PTGER3: variants seen among roughly 807,000 people sequenced by gnomAD.
PTGER3 encodes prostaglandin E2 receptor EP3 subtype.
Under a neutral mutation model 34.7 loss-of-function variants are expected in PTGER3, and 22 were observed. The ratio of observed to expected loss-of-function variants is 0.63; its 90% confidence interval spans 0.45 to 0.91. The LOEUF (loss-of-function observed/expected upper bound fraction) is 0.91, where lower values mean the gene tolerates loss of function less well. PTGER3 is among the 40% of genes least tolerant of loss of function. The pLI is 0.00. For synonymous variants in PTGER3, 241 were observed against 230.1 expected, an observed-to-expected ratio of 1.05 and a Z score of -0.43; for missense variants, 468 against 519.4, an observed-to-expected ratio of 0.90 and a Z score of 0.96.
chr1:70,866,556 T>C (rs1263762241), intron 4 of PTGER3, among the ~76,000 whole-genome samples: 5 of 152,204 alleles, frequency 3.3e-5, no homozygotes, highest in Non-Finnish European at 5.9e-5. Context: ...GTGTCTTACA[T>C]CAGGATGACC....
intron 1 of PTGER3, among the ~76,000 whole-genome samples, chr1:71,044,572 A>T (rs1435609950): frequency 6.6e-6 from 1 of 152,180 alleles, no homozygotes; most frequent in African/African-American, 2.4e-5. Flanking sequence ...ATGAAAATAA[A>T]TTGAAATTAA....
chr1:70,965,367 C>A (rs1320952607), intron 2 of PTGER3, among the ~76,000 whole-genome samples: 1 of 152,072 alleles, frequency 6.6e-6, no homozygotes, highest in African/African-American at 2.4e-5. Flanking sequence ...AAGAAAGACA[C>A]CTGTTACTGA....
chr1:70,985,338 G>A (rs1053498426), intron 2 of PTGER3, among the ~76,000 whole-genome samples: 1 of 152,254 alleles, frequency 6.6e-6, no homozygotes, highest in East Asian at 1.9e-4. Flanking sequence ...AAGTCTCCCT[G>A]GGGCTTATGG....
chr1:71,012,326 G>C lies in PTGER3; in HGVS notation c.1056C>G (p.Ile352Met). ...DPWVYLLLRK[I>M]LLRKFCQIRY... Reference sequence around the variant, plus strand: ...CTACCTGGCAAAACTTTCGAAGAAGGATCTTTCTTAACAGCAGGTAAACCC... The same window carrying C: ...CTACCTGGCAAAACTTTCGAAGAAGCATCTTTCTTAACAGCAGGTAAACCC... Residue 352 changes from isoleucine to methionine, a missense_variant, in exon 2 of 4, where the codon ATC becomes ATG. Physicochemically the swap from Ile to Met is conservative, Grantham distance 10. This residue lies in a region of PTGER3 where 57 missense variants were observed against 43.8 expected (regional missense o/e 1.30). Coordinates refer to ENST00000306666, the MANE Select transcript of PTGER3 (RefSeq NM_198719.2). The C allele has an allele frequency of 1.2e-6, 2 of 1,614,158 alleles. No individual in the cohort carries two copies. Among genetic ancestry groups the C allele is most frequent in the Non-Finnish European group, 1.7e-6 (2 of 1,180,036 alleles).
At chr1:71,012,121 T>C (rs766510433) in intron 2 of PTGER3, 184 bp downstream of exon 2, 47 of 1,514,148 alleles carry the variant, frequency 3.1e-5, no homozygotes, top group Admixed American at 1.5e-4. Flanking sequence ...CTTCAATGCA[T>C]AAACAGTGGC....
intron 4 of PTGER3, among the ~76,000 whole-genome samples, chr1:70,885,593 C>T (rs1646481567): frequency 6.6e-6 from 1 of 151,956 alleles, no homozygotes; most frequent in African/African-American, 2.4e-5. Flanking sequence ...CTTCATGGAA[C>T]AAGAAGTATT....
At chr1:70,879,631 C>T (rs1233985704) in intron 4 of PTGER3, among the ~76,000 whole-genome samples, 1 of 152,080 alleles carries the variant, frequency 6.6e-6, no homozygotes, top group Admixed American at 6.5e-5. Context: ...TTTCTGTTTT[C>T]CATTTGCTTG....
rs573051561 is a variant in PTGER3 at position 70,867,661 on chromosome 1, G to A, written c.*24-14802C>T. On this transcript the variant is annotated intron_variant, in intron 4 of 4. Transcript: ENST00000370931. Reference sequence around the variant, plus strand: ...AATTGCTTGAACCTGGGAGGCAGAGGTTGCAGTGAGCCAAGATGGTGCCAT... The same window carrying A: ...AATTGCTTGAACCTGGGAGGCAGAGATTGCAGTGAGCCAAGATGGTGCCAT... Among the ~76,000 whole-genome samples the A allele has an allele frequency of 2.0e-4, 30 of 152,170 alleles. 1 individual carries two copies. The South Asian group carries it at 5.8e-3, about 29-fold the overall frequency.
At position 70,867,173 on chromosome 1, in the gene PTGER3, T is replaced by A. The variant is rs2100517957; in HGVS notation, c.*24-14314A>T. ...GTTTCCTCTTCTGCAAATTCCCTTC[T>A]CCACCTCTAAGAGTTCTAACTTGTC... On this transcript the variant is annotated intron_variant, in intron 4 of 4. Coordinates refer to the PTGER3 transcript ENST00000370931. Among the ~76,000 whole-genome samples the A allele has an allele frequency of 1.3e-5, 2 of 152,342 alleles. 1 individual carries two copies. The highest frequency in any genetic ancestry group is 4.1e-4 in the South Asian group (2 of 4,828).
At chr1:71,026,859 C>G (rs1050852714) in intron 1 of PTGER3, among the ~76,000 whole-genome samples, 2 of 152,106 alleles carry the variant, frequency 1.3e-5, no homozygotes, top group East Asian at 1.9e-4. Context: ...GTTGGTCCAA[C>G]AGCAAAGTAA....
rs148215187 is a variant in PTGER3, at chr1:70,909,773, C to T, written c.*23+43990G>A. Reference sequence around the variant, plus strand: ...GTCTTTATAATATCTTTGAAGGCCACGTGTGCCACATGGGATATTACAAGA... The same window carrying T: ...GTCTTTATAATATCTTTGAAGGCCATGTGTGCCACATGGGATATTACAAGA... On this transcript the variant is annotated intron_variant, in intron 4 of 4. Transcript: ENST00000370931. Among the ~76,000 whole-genome samples, 65 of 152,228 alleles carry T rather than the reference C, an allele frequency of 4.3e-4. No individual in the cohort carries two copies. The East Asian group carries it at 9.5e-3, about 22-fold the overall frequency.
chr1:70,974,743 G>A (rs143651853), intron 2 of PTGER3, among the ~76,000 whole-genome samples: 43 of 152,236 alleles, frequency 2.8e-4, no homozygotes, highest in African/African-American at 9.1e-4. Context: ...CCATTGCTCT[G>A]GGATAAAGAA....
rs142015029 is a variant in PTGER3 at position 70,964,009 on chromosome 1, C to T, written c.1078-10220G>A. On this transcript the variant is annotated intron_variant, in intron 2 of 3. Transcript: ENST00000356595. ...TATATCTAGGGCAGAGGCTAAAAGC[C>T]GTCAGTCTCTTTGCTAAAGCACAGC... Among the ~76,000 whole-genome samples the T allele has an allele frequency of 3.1e-3, 468 of 152,274 alleles. 5 individuals are homozygous for T. The highest frequency in any genetic ancestry group is 0.011 in the African/African-American group (447 of 41,544).
intron 4 of PTGER3, among the ~76,000 whole-genome samples, chr1:70,922,618 A>G (rs1467966769): frequency 1.3e-5 from 2 of 152,084 alleles, no homozygotes; most frequent in African/African-American, 4.8e-5. Context: ...TTACTTACCA[A>G]GGCTTTCACC....
intron 2 of PTGER3, among the ~76,000 whole-genome samples, chr1:70,962,995 G>A (rs571765241): frequency 2.0e-5 from 3 of 152,294 alleles, no homozygotes; most frequent in Admixed American, 1.3e-4. Flanking sequence ...GGGGGTACAG[G>A]CATTTGGTAA....
At chr1:70,890,927 TAAG>T (rs1646603383) in intron 4 of PTGER3, among the ~76,000 whole-genome samples, 1 of 152,158 alleles carries the variant, frequency 6.6e-6, no homozygotes, top group South Asian at 2.1e-4. Context: ...TTTTGTTCCT[TAAG>T]TACCTTAAAC....
At chr1:70,942,736 G>T (rs1649871460) in intron 4 of PTGER3, among the ~76,000 whole-genome samples, 1 of 152,088 alleles carries the variant, frequency 6.6e-6, no homozygotes, top group African/African-American at 2.4e-5. Context: ...TAAGTAATTA[G>T]GTTAAATTAG....
In PTGER3 at chr1:71,047,473, G is replaced by C. The variant is rs1272015564; in HGVS notation, c.105C>G (p.Gly35=). The change falls in exon 1 of 4, where the codon GGC becomes GGG. Residue 35 remains glycine, a synonymous_variant. Transcript: ENST00000306666. ...WAPERSAEAR[G]NLTRPPGSGE... The stretch of plus-strand genomic sequence containing the variant: ...CAGACCCTGGAGGGCGCGTGAGGTT[G>C]CCCCGCGCCTCGGCGGAACGCTCGG... 6.2e-7 allele frequency: 1 copy of C among 1,608,984 alleles called. No homozygotes were observed. Among genetic ancestry groups the C allele is most frequent in the Non-Finnish European group, 8.5e-7 (1 of 1,178,736 alleles).
At chr1:70,949,460 C>T (rs1284841654), downstream of PTGER3, among the ~76,000 whole-genome samples, 1 of 152,066 alleles carries the variant, frequency 6.6e-6, no homozygotes, top group Non-Finnish European at 1.5e-5. Context: ...CAAGTTTAGC[C>T]TTGGAGTCAA....
Sources: allele counts gnomAD v4.1 joint callset (sites outside exome capture counted in the v4.1 genomes callset), GRCh38; gene constraint gnomAD v4.1.1; regional missense constraint gnomAD v4.1.1; transcripts MANE v1.5; gene names NCBI Gene and HGNC (gene_info 2026-07-23, HGNC 2026-07-21).